Variants in ENTPD1 observed in about 807,000 individuals in gnomAD.
The protein encoded by ENTPD1 is ATP diphosphohydrolase.
Under a neutral mutation model 57.0 loss-of-function variants are expected in ENTPD1, and 33 were observed. The observed-to-expected ratio is 0.58, with a 90% CI of 0.44 to 0.77. The LOEUF (loss-of-function observed/expected upper bound fraction) is 0.77, where lower values mean the gene tolerates loss of function less well. Ranked by LOEUF, ENTPD1 falls within the 30% of genes least tolerant of loss-of-function variation. The pLI is 0.00. For synonymous variants in ENTPD1, 202 were observed against 218.8 expected (o/e 0.92, Z 0.68); for missense variants, 501 against 603.4 (o/e 0.83, Z 1.78).
chr10:95,865,187 A>T (rs1386521417), intron 9 of ENTPD1, among the ~76,000 whole-genome samples: 1 of 152,230 alleles, frequency 6.6e-6, no homozygotes, highest in Admixed American at 6.5e-5. Context: ...CTGTGTGCTG[A>T]CTTCAGCAGC....
chr10:95,844,213 C>G, intron 4 of ENTPD1, among the ~76,000 whole-genome samples: 1 of 152,084 alleles, frequency 6.6e-6, no homozygotes. Context: ...AACTTCAGAA[C>G]AAAAGTGGTA....
chr10:95,761,765 C>T (rs2098064283), intron 1 of ENTPD1, among the ~76,000 whole-genome samples: 1 of 152,196 alleles, frequency 6.6e-6, no homozygotes. Flanking sequence ...CCCTAAACTT[C>T]CCTTATTCTC....
At chr10:95,711,294 A>G (rs2097965381), upstream of ENTPD1, among the ~76,000 whole-genome samples, 1 of 152,184 alleles carries the variant, frequency 6.6e-6, no homozygotes, top group South Asian at 2.1e-4. Context: ...CCCATTGCAG[A>G]GCGGGTCCTG....
intron 1 of ENTPD1, among the ~76,000 whole-genome samples, chr10:95,749,325 G>C (rs569967631): frequency 2.6e-5 from 4 of 152,322 alleles, no homozygotes; most frequent in African/African-American, 9.6e-5. Flanking sequence ...TTATGACTAT[G>C]TGGATCTCAA....
At chr10:95,826,534 T>A (rs1242924653) in intron 2 of ENTPD1, among the ~76,000 whole-genome samples, 12 of 142,228 alleles carry the variant, frequency 8.4e-5, no homozygotes, top group African/African-American at 2.9e-4. Flanking sequence ...GATCTGCCAC[T>A]GCACTCTAGC....
chr10:95,848,526 C>T (rs1209069927), intron 7 of ENTPD1, among the ~76,000 whole-genome samples: 2 of 152,092 alleles, frequency 1.3e-5, no homozygotes, highest in African/African-American at 4.8e-5. Context: ...TGGGATATTG[C>T]TGGTGATAAT....
chr10:95,814,945 T>A (rs1448033825), intron 1 of ENTPD1, among the ~76,000 whole-genome samples: 1 of 151,938 alleles, frequency 6.6e-6, no homozygotes, highest in Non-Finnish European at 1.5e-5. Context: ...TTTTCCTCCT[T>A]CTTTTTTGCC....
upstream of ENTPD1, among the ~76,000 whole-genome samples, chr10:95,707,987 A>G (rs894136414): frequency 2.6e-5 from 4 of 152,176 alleles, no homozygotes; most frequent in African/African-American, 9.6e-5. Flanking sequence ...TCAACAAAAA[A>G]GTTTACTTAA....
chr10:95,734,649 C>G (rs993382850), intron 1 of ENTPD1, among the ~76,000 whole-genome samples: 2 of 152,184 alleles, frequency 1.3e-5, no homozygotes, highest in African/African-American at 4.8e-5. Context: ...TAACAAGTAA[C>G]TGTACATGTA....
At chr10:95,758,370 G>T (rs190225715) in intron 1 of ENTPD1, among the ~76,000 whole-genome samples, 5 of 152,256 alleles carry the variant, frequency 3.3e-5, no homozygotes, top group Non-Finnish European at 7.4e-5. Context: ...ACTGAATGAG[G>T]GATTCATGCA....
the ENTPD1 span, among the ~76,000 whole-genome samples, chr10:95,700,311 T>C: frequency 8.6e-5 from 13 of 152,034 alleles, no homozygotes; most frequent in African/African-American, 3.1e-4. Flanking sequence ...ACACTGAGGA[T>C]TAAATCTACA....
intron 1 of ENTPD1, among the ~76,000 whole-genome samples, chr10:95,775,261 G>T (rs923987442): frequency 5.3e-5 from 8 of 152,104 alleles, no homozygotes; most frequent in African/African-American, 1.2e-4. Flanking sequence ...TATACAATCA[G>T]GTCATCTGCA....
upstream of ENTPD1, among the ~76,000 whole-genome samples, chr10:95,752,048 G>C (rs1261659183): frequency 6.6e-6 from 1 of 152,124 alleles, no homozygotes; most frequent in Non-Finnish European, 1.5e-5. Context: ...ACATGAGGGG[G>C]GTTCTGGAAA....
chr10:95,845,241 T>C (rs918042202), intron 5 of ENTPD1, 116 bp from the exon 6 acceptor site: 5 of 1,444,842 alleles, frequency 3.5e-6, no homozygotes, highest in Non-Finnish European at 4.8e-6. Flanking sequence ...CTAGTGAGCT[T>C]TGCCTCACCT....
intron 7 of ENTPD1, among the ~76,000 whole-genome samples, chr10:95,850,033 C>T (rs576780532): frequency 1.3e-5 from 2 of 152,358 alleles, no homozygotes; most frequent in East Asian, 1.9e-4. Context: ...CTTGAGCAAA[C>T]CTTTCCTCCT....
intron 2 of ENTPD1, among the ~76,000 whole-genome samples, chr10:95,824,407 T>C (rs2098366145): frequency 6.6e-6 from 1 of 152,240 alleles, no homozygotes; most frequent in African/African-American, 2.4e-5. Flanking sequence ...AATCACTGTA[T>C]AGCAGAGGCG....
intron 7 of ENTPD1, among the ~76,000 whole-genome samples, chr10:95,856,868 A>G (rs1331136265): frequency 6.6e-6 from 1 of 151,286 alleles, no homozygotes; most frequent in Non-Finnish European, 1.5e-5. Flanking sequence ...ATATGTATTC[A>G]CTATTTTCTA....
chr10:95,733,736 G>C (rs372975654), intron 1 of ENTPD1, among the ~76,000 whole-genome samples: 1 of 152,170 alleles, frequency 6.6e-6, no homozygotes, highest in Non-Finnish European at 1.5e-5. Context: ...ATGGGGTGAG[G>C]AGCGAAGAGA....
chr10:95,858,734 A>G (rs2098460027), intron 7 of ENTPD1, among the ~76,000 whole-genome samples: 2 of 152,252 alleles, frequency 1.3e-5, no homozygotes, highest in South Asian at 2.1e-4. Context: ...AGGAATGAGC[A>G]TACCAGTTCA....
Sources: gnomAD v4.1 joint callset for allele counts (sites outside exome capture counted in the v4.1 genomes callset) on GRCh38, gnomAD v4.1.1 for gene constraint, MANE v1.5 for transcripts, NCBI Gene and HGNC (gene_info 2026-07-23, HGNC 2026-07-21) for gene names.